The following CBFA2T2 variants were observed in gnomAD, a reference collection of about 807,000 sequenced individuals.
The protein encoded by CBFA2T2 is protein CBFA2T2.
CBFA2T2 carries 11 observed loss-of-function variants against 62.2 expected under a neutral mutation model. The observed-to-expected ratio is 0.18, with a 90% CI of 0.11 to 0.29. CBFA2T2 has a LOEUF of 0.29. CBFA2T2 is among the 10% of genes least tolerant of loss of function. The probability of loss-of-function intolerance (pLI) is 1.00; values close to 1 mark genes in which losing one functional copy is unlikely to be tolerated. For missense variants in CBFA2T2, 592 were observed against 774.1 expected, an observed-to-expected ratio of 0.76 and a Z score of 2.79; for synonymous variants, 295 against 287.5, an observed-to-expected ratio of 1.03 and a Z score of -0.27.
At chr20:33,611,419 C>T in intron 3 of CBFA2T2, 84 bp downstream of exon 3, 2 of 1,515,932 alleles carry the variant, frequency 1.3e-6, no homozygotes, top group Non-Finnish European at 1.8e-6. Context: ...TATTTCTGCT[C>T]ATTTTCAAAC....
intron 2 of CBFA2T2, 141 bp from the exon 3 acceptor site, chr20:33,610,953 G>T (rs1342026357): frequency 1.1e-6 from 1 of 939,472 alleles, no homozygotes; most frequent in Non-Finnish European, 1.6e-6. Flanking sequence ...TCTCACTGAG[G>T]ACAGAACCAG....
chr20:33,492,179 G>A (rs1336848795), intron 1 of CBFA2T2, among the ~76,000 whole-genome samples: 1 of 151,818 alleles, frequency 6.6e-6, no homozygotes, highest in African/African-American at 2.4e-5. Flanking sequence ...ACTGCGCCCG[G>A]CCTTAATTTT....
At chr20:33,627,405 A>G (rs1010477825) in intron 6 of CBFA2T2, among the ~76,000 whole-genome samples, 16 of 150,308 alleles carry the variant, frequency 1.1e-4, no homozygotes, top group East Asian at 1.9e-4. Context: ...AGGGGGGGGA[A>G]AAAAACTGGC....
chr20:33,503,731 C>T (rs559548975), intron 1 of CBFA2T2, among the ~76,000 whole-genome samples: 7 of 151,958 alleles, frequency 4.6e-5, no homozygotes, highest in African/African-American at 9.7e-5. Flanking sequence ...TATGTTGCCC[C>T]GGCTGGCCTC....
intron 1 of CBFA2T2, among the ~76,000 whole-genome samples, chr20:33,495,896 A>T (rs74879214): frequency 0.012 from 1,885 of 152,210 alleles, 20 homozygotes; most frequent in Non-Finnish European, 0.021. Flanking sequence ...GTTTATTATG[A>T]TGGTTAATAT....
chr20:33,571,798 A>G (rs535024526), intron 1 of CBFA2T2, among the ~76,000 whole-genome samples: 49 of 152,274 alleles, frequency 3.2e-4, no homozygotes, highest in Middle Eastern at 3.4e-3. Flanking sequence ...TACTTGAATG[A>G]TAGTTAAATG....
intron 1 of CBFA2T2, among the ~76,000 whole-genome samples, chr20:33,548,145 A>C (rs1005148891): frequency 6.6e-6 from 1 of 152,106 alleles, no homozygotes; most frequent in Non-Finnish European, 1.5e-5. Flanking sequence ...CAGGATCTCT[A>C]GATTATTCTG....
intron 1 of CBFA2T2, among the ~76,000 whole-genome samples, chr20:33,582,802 T>G (rs1311953475): frequency 6.6e-6 from 1 of 152,032 alleles, no homozygotes; most frequent in Non-Finnish European, 1.5e-5. Context: ...ATTAGCCAGG[T>G]GTGGTAGCAC....
At position 33,613,162 on chromosome 20, in the gene CBFA2T2, T is replaced by C. The variant is rs551020539; in HGVS notation, c.420+1827T>C. Among the ~76,000 whole-genome samples, 6 of 152,388 alleles carry C rather than the reference T, an allele frequency of 3.9e-5. No individual in the cohort carries two copies. The East Asian group carries it at 7.7e-4, about 20-fold the overall frequency. On this transcript the variant is annotated intron_variant, in intron 3 of 10. Transcript: ENST00000342704. ...TGCAATATATGACTTTTTCATCATTTGTGAGGTTTAGTCCTTGTTACGTAT... is the reference window on the plus strand; with the variant it reads ...TGCAATATATGACTTTTTCATCATTCGTGAGGTTTAGTCCTTGTTACGTAT...
intron 1 of CBFA2T2, among the ~76,000 whole-genome samples, chr20:33,500,825 T>TA (rs1403761841): frequency 1.3e-5 from 2 of 152,078 alleles, no homozygotes; most frequent in African/African-American, 2.4e-5. Flanking sequence ...AGAGATGAAT[T>TA]AAAAAAATAA....
intron 9 of CBFA2T2, among the ~76,000 whole-genome samples, chr20:33,637,611 G>A (rs1254522393): frequency 6.6e-6 from 1 of 151,908 alleles, no homozygotes; most frequent in Non-Finnish European, 1.5e-5. Context: ...ATTGATCAGA[G>A]GCTTATATAA....
chr20:33,517,980 T>C (rs2011633007), intron 1 of CBFA2T2, among the ~76,000 whole-genome samples: 1 of 150,866 alleles, frequency 6.6e-6, no homozygotes, highest in Non-Finnish European at 1.5e-5. Context: ...ACAGAGTCTC[T>C]CTCTGTCACC....
At chr20:33,500,437 G>C (rs761045379) in intron 1 of CBFA2T2, among the ~76,000 whole-genome samples, 1 of 151,890 alleles carries the variant, frequency 6.6e-6, no homozygotes, top group Non-Finnish European at 1.5e-5. Context: ...GGCCAGGCGC[G>C]GTGGCTCACG....
At chr20:33,634,375 A>C (rs1452922279) in intron 8 of CBFA2T2, among the ~76,000 whole-genome samples, 1 of 152,156 alleles carries the variant, frequency 6.6e-6, no homozygotes, top group Non-Finnish European at 1.5e-5. Context: ...TCTGAGACCC[A>C]AAAATCTGAA....
chr20:33,499,564 T>C (rs1028249597), intron 1 of CBFA2T2, among the ~76,000 whole-genome samples: 7 of 152,198 alleles, frequency 4.6e-5, no homozygotes, highest in Non-Finnish European at 1.0e-4. Context: ...TCTGGCCCCT[T>C]GAGGCTATCT....
chr20:33,610,045 G>C (rs974557734), intron 2 of CBFA2T2, among the ~76,000 whole-genome samples: 1 of 152,228 alleles, frequency 6.6e-6, no homozygotes, highest in African/African-American at 2.4e-5. Context: ...CCTTTGGGAG[G>C]CCAAGGCAGG....
At chr20:33,526,917 A>G (rs895117471) in intron 1 of CBFA2T2, among the ~76,000 whole-genome samples, 2 of 152,156 alleles carry the variant, frequency 1.3e-5, no homozygotes, top group Admixed American at 6.6e-5. Context: ...AAGAGTCACA[A>G]GCATACTCGG....
In CBFA2T2 at chr20:33,574,231, G is replaced by A. The variant is rs146826289; in HGVS notation, c.35-32725G>A. The A allele has an allele frequency of 1.8e-4, 289 of 1,613,582 alleles. 1 individual carries two copies. Among genetic ancestry groups the A allele is most frequent in the African/African-American group, 1.3e-3 (99 of 75,046 alleles). ...TAAAGAATCTGGAATAAGCTTGAAA[G>A]AAATACAGGTCCTGGCAAGGCAATG... is the stretch of plus-strand genomic sequence containing the variant. On this transcript the variant is annotated intron_variant, in intron 1 of 10. Transcript: ENST00000342704.
At chr20:33,608,968 C>T (rs1158248360) in intron 2 of CBFA2T2, among the ~76,000 whole-genome samples, 1 of 152,158 alleles carries the variant, frequency 6.6e-6, no homozygotes, top group Non-Finnish European at 1.5e-5. Flanking sequence ...ACTTTCCTTT[C>T]ATTAGCTTTA....
Sources: allele counts gnomAD v4.1 joint callset (sites outside exome capture counted in the v4.1 genomes callset), GRCh38; gene constraint gnomAD v4.1.1; transcripts MANE v1.5; gene names NCBI Gene and HGNC (gene_info 2026-07-23, HGNC 2026-07-21).